The following SNTG2 variants were observed in gnomAD, a reference collection of about 807,000 sequenced individuals.
SNTG2 encodes the protein gamma-2-syntrophin.
SNTG2 carries 74 observed loss-of-function variants against 70.9 expected under a neutral mutation model. That is an observed-to-expected ratio of 1.04 (90% confidence interval 0.86 to 1.27). The LOEUF (loss-of-function observed/expected upper bound fraction) is 1.27. Ranked by LOEUF, SNTG2 falls within the 50% of genes most tolerant of loss-of-function variation. The probability of loss-of-function intolerance (pLI) is 0.00; values close to 1 mark genes in which losing one functional copy is unlikely to be tolerated. For missense variants in SNTG2, 717 were observed against 690.7 expected, an observed-to-expected ratio of 1.04 and a Z score of -0.43; for synonymous variants, 278 against 273.8, an observed-to-expected ratio of 1.02 and a Z score of -0.15.
intron 6 of SNTG2, chr2:1,159,459 A>G (rs1227154952): frequency 6.6e-6 from 1 of 152,142 alleles, no homozygotes; most frequent in Non-Finnish European, 1.5e-5. Flanking sequence ...AAATATCCAC[A>G]CTTCTGGAAA....
chr2:1,324,800 C>T (rs867753827), intron 16 of SNTG2, among the ~76,000 whole-genome samples: 21 of 152,306 alleles, frequency 1.4e-4, no homozygotes, highest in Middle Eastern at 3.4e-3. Flanking sequence ...GTTCCTTCTA[C>T]GTTGGTTTTG....
At chr2:986,343 A>G (rs1661323845) in intron 1 of SNTG2, among the ~76,000 whole-genome samples, 1 of 152,212 alleles carries the variant, frequency 6.6e-6, no homozygotes, top group Non-Finnish European at 1.5e-5. Context: ...TACCCTTTAG[A>G]GAAGAGAAAA....
chr2:1,325,552 A>C (rs1681724636), intron 16 of SNTG2, among the ~76,000 whole-genome samples: 2 of 152,224 alleles, frequency 1.3e-5, no homozygotes, highest in Non-Finnish European at 2.9e-5. Flanking sequence ...AAGTTCTGGA[A>C]GTTTTTAAGT....
intron 1 of SNTG2, among the ~76,000 whole-genome samples, chr2:1,030,018 G>A (rs1660726379): frequency 6.6e-6 from 1 of 151,876 alleles, no homozygotes; most frequent in African/African-American, 2.4e-5. Context: ...CCCTTTCCCT[G>A]CATGCTGCCT....
chr2:1,256,324 G>T (rs1360743344), intron 12 of SNTG2: 1 of 152,100 alleles, frequency 6.6e-6, no homozygotes, highest in Non-Finnish European at 1.5e-5. Context: ...ACACACATTT[G>T]TATATGCATA....
At chr2:965,936 C>G (rs1339057246) in intron 1 of SNTG2, among the ~76,000 whole-genome samples, 1 of 152,174 alleles carries the variant, frequency 6.6e-6, no homozygotes, top group Admixed American at 6.5e-5. Context: ...TTAGGGCGGG[C>G]TGGGCCCAGC....
chr2:1,145,923 C>T (rs1669071110), intron 6 of SNTG2, among the ~76,000 whole-genome samples: 1 of 152,166 alleles, frequency 6.6e-6, no homozygotes, highest in Non-Finnish European at 1.5e-5. Context: ...TGTAATTTAT[C>T]ACATTAACAA....
chr2:1,316,133 C>T (rs1255279361), intron 15 of SNTG2, 132 bp from the exon 16 acceptor site: 2 of 577,882 alleles, frequency 3.5e-6, no homozygotes, highest in Non-Finnish European at 6.1e-6. Context: ...CAAATCATCA[C>T]ATGCTAAACG....
At chr2:1,262,046 G>C (rs1024884552) in intron 13 of SNTG2, among the ~76,000 whole-genome samples, 1 of 152,184 alleles carries the variant, frequency 6.6e-6, no homozygotes, top group Non-Finnish European at 1.5e-5. Context: ...TCAACACTGA[G>C]AGGAAGAATT....
intron 6 of SNTG2, among the ~76,000 whole-genome samples, chr2:1,144,824 A>G (rs766687996): frequency 1.3e-5 from 2 of 152,188 alleles, no homozygotes; most frequent in African/African-American, 4.8e-5. Flanking sequence ...CTACAATCCA[A>G]GATGAGATTT....
intron 2 of SNTG2, among the ~76,000 whole-genome samples, chr2:1,092,189 C>T (rs1665071864): frequency 6.6e-6 from 1 of 152,044 alleles, no homozygotes; most frequent in South Asian, 2.1e-4. Context: ...TAGAATACTT[C>T]AGAATTGTTT....
At chr2:1,325,805 A>G (rs1412490474) in intron 16 of SNTG2, among the ~76,000 whole-genome samples, 1 of 152,100 alleles carries the variant, frequency 6.6e-6, no homozygotes, top group Non-Finnish European at 1.5e-5. Context: ...CGTAGTCAGG[A>G]TTATCACTGA....
intron 13 of SNTG2, among the ~76,000 whole-genome samples, chr2:1,261,283 C>T (rs62108063): frequency 0.093 from 14,071 of 152,042 alleles, 712 homozygotes; most frequent in South Asian, 0.14. Flanking sequence ...GCATTCAGTT[C>T]ATTTTCAGAA....
At position 1,180,751 on chromosome 2, in the gene SNTG2, A is replaced by G. The variant is rs1480812715; in HGVS notation, c.591+7568A>G. On this transcript the variant is annotated intron_variant, in intron 8 of 16. Coordinates refer to ENST00000308624, the MANE Select transcript of SNTG2 (RefSeq NM_018968.4). ...CCAAAGGATTATAAATCATGCTGCTATAAAGACACATGCACACGTATGTTT... is the reference window on the plus strand; with the variant it reads ...CCAAAGGATTATAAATCATGCTGCTGTAAAGACACATGCACACGTATGTTT... Among the ~76,000 whole-genome samples the G allele has an allele frequency of 2.6e-5, 4 of 151,848 alleles. 1 individual carries two copies. In the South Asian group the frequency reaches 6.3e-4, roughly 24 times the overall value.
chr2:1,027,666 C>G lies in SNTG2; in HGVS notation c.73-55852C>G, dbSNP rs528615234. The stretch of plus-strand genomic sequence containing the variant: ...AGTAAAGAGATAAGCAGGTGCATCA[C>G]TGAAGGTGCGTCTGACCTACAGACA... On this transcript the variant is annotated intron_variant, in intron 1 of 16. Coordinates refer to ENST00000308624, the MANE Select transcript of SNTG2 (RefSeq NM_018968.4). Among the ~76,000 whole-genome samples the G allele has an allele frequency of 7.8e-5, 9 of 115,136 alleles. 1 individual carries two copies. The highest frequency in any genetic ancestry group is 5.6e-4 in the Admixed American group (6 of 10,628). The allele number at this position is 115,136 out of a possible 152,430, so 75.5% of individuals were successfully genotyped here.
At chr2:1,101,050 T>C (rs1443274880) in intron 4 of SNTG2, among the ~76,000 whole-genome samples, 1 of 152,168 alleles carries the variant, frequency 6.6e-6, no homozygotes, top group Non-Finnish European at 1.5e-5. Context: ...AACTTAGCAG[T>C]CTTCAGACCA....
At chr2:1,033,680 T>C (rs1458678232) in intron 1 of SNTG2, among the ~76,000 whole-genome samples, 1 of 152,212 alleles carries the variant, frequency 6.6e-6, no homozygotes, top group Non-Finnish European at 1.5e-5. Flanking sequence ...CTTGCTCTTG[T>C]GGAGGTCTGG....
intron 9 of SNTG2, among the ~76,000 whole-genome samples, chr2:1,221,371 G>GTCTT (rs1674785149): frequency 6.8e-6 from 1 of 146,108 alleles, no homozygotes; most frequent in African/African-American, 2.6e-5. Context: ...GCCTCTCTCT[G>GTCTT]TGTCTCTCTG....
chr2:1,132,572 A>G (rs1323625631), intron 4 of SNTG2, among the ~76,000 whole-genome samples: 4 of 152,116 alleles, frequency 2.6e-5, no homozygotes, highest in Non-Finnish European at 5.9e-5. Flanking sequence ...TAGTAAGTAA[A>G]CCTCGATTCT....
Sources: allele counts gnomAD v4.1 joint callset (sites outside exome capture counted in the v4.1 genomes callset), GRCh38; gene constraint gnomAD v4.1.1; transcripts MANE v1.5; gene names NCBI Gene and HGNC (gene_info 2026-07-23, HGNC 2026-07-21).